KAZN: variants seen among roughly 807,000 people sequenced by gnomAD.
KAZN encodes the protein kazrin.
Under a neutral mutation model 87.4 loss-of-function variants are expected in KAZN, and 40 were observed. The observed-to-expected ratio is 0.46, with a 90% CI of 0.36 to 0.60. The LOEUF is 0.60. Ranked by LOEUF, KAZN falls within the 20% of genes least tolerant of loss-of-function variation. The pLI is 0.00. For missense variants in KAZN, 898 were observed against 1,073.9 expected, an observed-to-expected ratio of 0.84 and a Z score of 2.29; for synonymous variants, 466 against 458.3, an observed-to-expected ratio of 1.02 and a Z score of -0.22.
At chr1:14,697,614 T>C (rs7522235) in intron 1 of KAZN, among the ~76,000 whole-genome samples, 77,437 of 151,734 alleles carry the variant, frequency 0.51, 19,875 homozygotes, top group South Asian at 0.63. Context: ...TGCCCCCATC[T>C]CTCTTCCTAT....
chr1:13,936,096 G>GTTTTTTTTTTTTTTTTTTTTTTTT (rs70984301), intron 1 of KAZN, among the ~76,000 whole-genome samples: 1 of 84,840 alleles, frequency 1.2e-5, no homozygotes, highest in Non-Finnish European at 2.2e-5. Context: ...TACAAGTGCA[G>GTTTTTTTTTTTTTTTTTTTTTTTT]TTTTTTTTTT....
intron 1 of KAZN, among the ~76,000 whole-genome samples, chr1:14,708,462 C>T (rs190632340): frequency 6.6e-6 from 1 of 152,296 alleles, no homozygotes; most frequent in Admixed American, 6.5e-5. Context: ...TTTCTAGATA[C>T]GGGGGCAATA....
Position 14,599,069 on chromosome 1 carries a change from C to T in KAZN, c.72C>T (p.Thr24=). Residue 24 remains threonine, a synonymous_variant, in exon 1 of 15, where the codon ACC becomes ACT. Coordinates refer to ENST00000376030, the MANE Select transcript of KAZN (RefSeq NM_201628.3). This position sits in a 1 kb window ranked among gnomAD's most constrained non-coding sequence, Gnocchi z 4.4. ...TCCAGTCGGCCAGCCAGGAGGTGAC[C>T]AACCTGCGAGCCGAACTCACGGCCA... ...GAVQSASQEV[T]NLRAELTATN... is the part of the protein sequence containing the mutation. 3.8e-6 allele frequency: 6 copies of T among 1,562,362 alleles called. No individual in the cohort carries two copies. The highest frequency in any genetic ancestry group is 5.2e-6 in the Non-Finnish European group (6 of 1,158,978).
intron 1 of KAZN, among the ~76,000 whole-genome samples, chr1:14,703,293 G>A (rs1642028784): frequency 6.6e-6 from 1 of 152,168 alleles, no homozygotes; most frequent in Non-Finnish European, 1.5e-5. Context: ...ATCTTGAATT[G>A]TAGTTCCCAT....
At chr1:14,220,333 G>A (rs968201736) in intron 2 of KAZN, among the ~76,000 whole-genome samples, 6 of 152,088 alleles carry the variant, frequency 3.9e-5, no homozygotes, top group Middle Eastern at 3.4e-3. Flanking sequence ...AATCCTTCTC[G>A]TGACCTTGCC....
At chr1:14,316,742 A>C (rs1655680850) in intron 2 of KAZN, among the ~76,000 whole-genome samples, 1 of 151,928 alleles carries the variant, frequency 6.6e-6, no homozygotes, top group African/African-American at 2.4e-5. Flanking sequence ...ATTTTTATTT[A>C]GTTCAAAATA....
chr1:13,933,986 C>T (rs1640626411), intron 1 of KAZN, among the ~76,000 whole-genome samples: 1 of 152,162 alleles, frequency 6.6e-6, no homozygotes, highest in South Asian at 2.1e-4. Flanking sequence ...GAAAAGAAAG[C>T]CAGCTTGAAG....
At chr1:14,422,616 G>A (rs898271341) in intron 2 of KAZN, among the ~76,000 whole-genome samples, 3 of 152,220 alleles carry the variant, frequency 2.0e-5, no homozygotes, top group Non-Finnish European at 4.4e-5. Flanking sequence ...CCCCTGAAGG[G>A]TTGAAAACAG....
chr1:14,631,630 A>T (rs1255448147), intron 1 of KAZN, among the ~76,000 whole-genome samples: 1 of 152,232 alleles, frequency 6.6e-6, no homozygotes, highest in Non-Finnish European at 1.5e-5. Context: ...CAGCAGAGAC[A>T]TGTGACTCTA....
intron 1 of KAZN, among the ~76,000 whole-genome samples, chr1:14,108,331 C>T (rs976817721): frequency 3.3e-4 from 50 of 152,098 alleles, no homozygotes; most frequent in Non-Finnish European, 5.9e-5. Context: ...AGTATAGCTC[C>T]CTGTTTAGGG....
intron 1 of KAZN, among the ~76,000 whole-genome samples, chr1:14,629,217 G>A (rs16850618): frequency 2.0e-5 from 3 of 152,146 alleles, no homozygotes; most frequent in Non-Finnish European, 4.4e-5. Flanking sequence ...TATGGATAAC[G>A]AGTAGTCCCC....
At chr1:14,116,083 A>G (rs912828099) in intron 1 of KAZN, among the ~76,000 whole-genome samples, 4 of 149,608 alleles carry the variant, frequency 2.7e-5, no homozygotes, top group Admixed American at 6.6e-5. Context: ...AGCGGAGCAT[A>G]AAAGTTCAAA....
At chr1:14,480,198 C>T (rs1225157483) in intron 2 of KAZN, among the ~76,000 whole-genome samples, 1 of 152,246 alleles carries the variant, frequency 6.6e-6, no homozygotes, top group Non-Finnish European at 1.5e-5. Context: ...AGGCACCTGC[C>T]ATGGAGCAAG....
At chr1:14,367,501 C>T (rs964908118) in intron 2 of KAZN, among the ~76,000 whole-genome samples, 6 of 152,102 alleles carry the variant, frequency 3.9e-5, no homozygotes, top group Non-Finnish European at 7.4e-5. Context: ...TTGGAAAAGG[C>T]AACATTTGAG....
chr1:14,311,759 T>C (rs998269672), intron 2 of KAZN, among the ~76,000 whole-genome samples: 1 of 151,980 alleles, frequency 6.6e-6, no homozygotes. Flanking sequence ...AATGGATAAA[T>C]GGATGGGTGG....
intron 2 of KAZN, among the ~76,000 whole-genome samples, chr1:14,592,833 C>T (rs932917703): frequency 3.9e-5 from 6 of 152,314 alleles, no homozygotes; most frequent in East Asian, 3.9e-4. Context: ...CCTTGTCCCA[C>T]GTACGGATTC....
chr1:15,056,334 G>T lies in KAZN; in HGVS notation c.916+54G>T, dbSNP rs907998756. ...ACGGCTTCGAGGGGCTTCACAGGAG[G>T]CCATCTGACCCAGTGGGAGAGGCAG... On this transcript the variant is annotated intron_variant, in intron 5 of 14. Transcript: ENST00000376030. The surrounding 1 kb of genome is among the most constrained non-coding windows in gnomAD (Gnocchi z 5.4). 4 of 1,520,882 alleles carry T rather than the reference G, an allele frequency of 2.6e-6. No individual in the cohort carries two copies. Among genetic ancestry groups the T allele is most frequent in the Non-Finnish European group, 3.6e-6 (4 of 1,122,798 alleles). 94.2% of individuals were successfully genotyped at this position (1,520,882 alleles called of 1,614,324 possible).
At chr1:14,836,647 T>G (rs914704263) in intron 1 of KAZN, among the ~76,000 whole-genome samples, 3 of 152,074 alleles carry the variant, frequency 2.0e-5, no homozygotes, top group Admixed American at 6.6e-5. Flanking sequence ...AGGTGAAACC[T>G]CAGGCTCCCC....
At chr1:14,212,069 C>T (rs1646864542) in intron 2 of KAZN, among the ~76,000 whole-genome samples, 1 of 152,156 alleles carries the variant, frequency 6.6e-6, no homozygotes, top group Non-Finnish European at 1.5e-5. Context: ...TATGAATGGT[C>T]CACGGCTTTC....
Sources: gnomAD v4.1 joint callset for allele counts (sites outside exome capture counted in the v4.1 genomes callset) on GRCh38, gnomAD v4.1.1 for gene constraint, Gnocchi (gnomAD v3.1) non-coding constraint, MANE v1.5 for transcripts, NCBI Gene and HGNC (gene_info 2026-07-23, HGNC 2026-07-21) for gene names.